The following ROBO2 variants were observed in gnomAD, a reference collection of about 807,000 sequenced individuals.
ROBO2 encodes roundabout guidance receptor 2, also known as roundabout homolog 2.
A neutral mutation model predicts 160.8 loss-of-function variants in ROBO2; 53 were observed. That is an observed-to-expected ratio of 0.33 (90% CI 0.26 to 0.41). The LOEUF (loss-of-function observed/expected upper bound fraction) is 0.41. ROBO2 is among the 10% of genes least tolerant of loss of function. ROBO2 has a pLI of 1.00. For missense variants in ROBO2, 1,577 were observed against 1,722.4 expected (o/e 0.92, Z 1.49); for synonymous variants, 664 against 611.7 (o/e 1.09, Z -1.26).
intron 2 of ROBO2, among the ~76,000 whole-genome samples, chr3:77,332,233 A>G (rs2066046535): frequency 6.6e-6 from 1 of 152,098 alleles, no homozygotes; most frequent in Non-Finnish European, 1.5e-5. Context: ...GGAACAATAT[A>G]TTTTTCTCTT....
At chr3:76,665,906 AATATACACATATTTTATATG>A (rs2092005223) in intron 2 of ROBO2, among the ~76,000 whole-genome samples, 1 of 63,228 alleles carries the variant, frequency 1.6e-5, no homozygotes, top group Non-Finnish European at 4.0e-5. Flanking sequence ...TATTATATAT[AATATACACATATTTTATATG>A]TAATATACAT....
chr3:75,927,962 T>C (rs1947352903), intron 1 of ROBO2, among the ~76,000 whole-genome samples: 1 of 150,428 alleles, frequency 6.6e-6, no homozygotes, highest in Non-Finnish European at 1.5e-5. Flanking sequence ...AGCCTTTCTT[T>C]AATGATTTTC....
chr3:76,394,128 T>A (rs1208955600), intron 2 of ROBO2, among the ~76,000 whole-genome samples: 1 of 152,132 alleles, frequency 6.6e-6, no homozygotes, highest in Non-Finnish European at 1.5e-5. Flanking sequence ...CCATTTACAT[T>A]TAAAGTTAAT....
chr3:77,016,389 A>T (rs2062256962), intron 2 of ROBO2, among the ~76,000 whole-genome samples: 1 of 152,166 alleles, frequency 6.6e-6, no homozygotes, highest in African/African-American at 2.4e-5. Flanking sequence ...TCTCCATTAA[A>T]GAACAAAAAC....
intron 2 of ROBO2, among the ~76,000 whole-genome samples, chr3:76,107,892 T>C (rs978774602): frequency 1.9e-4 from 29 of 152,152 alleles, no homozygotes; most frequent in African/African-American, 6.8e-4. Flanking sequence ...TTAATTATAA[T>C]TGAATTTCAC....
At chr3:75,951,111 TACTGTATTTTGGC>T (rs968737745) in intron 2 of ROBO2, among the ~76,000 whole-genome samples, 3 of 152,038 alleles carry the variant, frequency 2.0e-5, no homozygotes, top group African/African-American at 7.2e-5. Context: ...GGGTTTCACT[TACTGTATTTTGGC>T]ACTAATTAAC....
chr3:76,674,271 G>C (rs572107294), intron 2 of ROBO2, among the ~76,000 whole-genome samples: 1 of 152,026 alleles, frequency 6.6e-6, no homozygotes, highest in East Asian at 1.9e-4. Context: ...ACAAAATATA[G>C]AGATATTTTG....
At chr3:77,473,440 C>CTTTTTTTTTTTTTTTTTTTTT (rs71104688) in intron 2 of ROBO2, among the ~76,000 whole-genome samples, 1 of 77,922 alleles carries the variant, frequency 1.3e-5, no homozygotes, top group African/African-American at 4.7e-5. Context: ...ACAAACTGCT[C>CTTTTTTTTTTTTTTTTTTTTT]TTTTTTTTTT....
At chr3:77,287,202 A>T (rs184484755) in intron 2 of ROBO2, among the ~76,000 whole-genome samples, 1 of 152,352 alleles carries the variant, frequency 6.6e-6, no homozygotes, top group Non-Finnish European at 1.5e-5. Context: ...ATTCACTCAT[A>T]CATACACACC....
chr3:76,894,328 T>A (rs189213272), intron 2 of ROBO2, among the ~76,000 whole-genome samples: 1 of 152,240 alleles, frequency 6.6e-6, no homozygotes, highest in East Asian at 1.9e-4. Flanking sequence ...TTGCTGTAGA[T>A]CAGATTATTG....
intron 3 of ROBO2, among the ~76,000 whole-genome samples, chr3:77,480,019 G>A (rs1295308943): frequency 6.6e-6 from 1 of 152,146 alleles, no homozygotes; most frequent in Admixed American, 6.5e-5. Context: ...AGGGGAAGGA[G>A]AAATGGCCTT....
chr3:76,466,369 T>C (rs1220355294), intron 2 of ROBO2, among the ~76,000 whole-genome samples: 1 of 151,962 alleles, frequency 6.6e-6, no homozygotes, highest in East Asian at 1.9e-4. Flanking sequence ...TCGATCTTAC[T>C]GTGTTTCATG....
At chr3:77,054,572 A>G (rs1053281101) in intron 1 of ROBO2, among the ~76,000 whole-genome samples, 2 of 152,168 alleles carry the variant, frequency 1.3e-5, no homozygotes, top group Non-Finnish European at 2.9e-5. Context: ...GATAAAGACT[A>G]GAGAAGGTTG....
intron 2 of ROBO2, among the ~76,000 whole-genome samples, chr3:77,431,697 A>G (rs1300941104): frequency 6.6e-6 from 1 of 152,120 alleles, no homozygotes; most frequent in Admixed American, 6.6e-5. Context: ...AAGAATCTAT[A>G]CTTGGCTCCC....
intron 2 of ROBO2, among the ~76,000 whole-genome samples, chr3:76,274,746 G>A (rs370175183): frequency 6.6e-6 from 1 of 151,038 alleles, no homozygotes; most frequent in South Asian, 2.1e-4. Context: ...GCTGAGGCAA[G>A]AGAATGGCTT....
intron 2 of ROBO2, among the ~76,000 whole-genome samples, chr3:76,569,368 A>C (rs1174818355): frequency 6.6e-6 from 1 of 152,220 alleles, no homozygotes; most frequent in Non-Finnish European, 1.5e-5. Context: ...GAGTGTTTAT[A>C]AAAATATAAA....
chr3:77,273,403 C>G (rs2059628996), intron 2 of ROBO2, among the ~76,000 whole-genome samples: 1 of 152,096 alleles, frequency 6.6e-6, no homozygotes, highest in Non-Finnish European at 1.5e-5. Flanking sequence ...TGCTGAAGTA[C>G]CAGAATCTTG....
chr3:76,386,492 T>G (rs940494503), intron 2 of ROBO2, among the ~76,000 whole-genome samples: 1 of 152,208 alleles, frequency 6.6e-6, no homozygotes, highest in African/African-American at 2.4e-5. Flanking sequence ...TTATTCAATC[T>G]ATTTCAAAAA....
intron 2 of ROBO2, among the ~76,000 whole-genome samples, chr3:76,749,324 C>A (rs1275758392): frequency 6.6e-5 from 10 of 151,780 alleles, no homozygotes; most frequent in Non-Finnish European, 1.5e-4. Context: ...AAAGTCATCT[C>A]AACTCAAAAT....
Sources: allele counts gnomAD v4.1 joint callset (sites outside exome capture counted in the v4.1 genomes callset), GRCh38; gene constraint gnomAD v4.1.1; transcripts MANE v1.5; gene names NCBI Gene and HGNC (gene_info 2026-07-23, HGNC 2026-07-21).